Variants in NXPE2 observed in about 807,000 individuals in gnomAD.
The protein encoded by NXPE2 is neurexophilin and PC-esterase domain family member 2.
A neutral mutation model predicts 34.4 loss-of-function variants in NXPE2; 34 were observed. That is an observed-to-expected ratio of 0.99 (90% CI 0.75 to 1.31). NXPE2 has a LOEUF of 1.31. NXPE2 is among the 40% of genes most tolerant of loss of function. The pLI is 0.00. For synonymous variants in NXPE2, 235 were observed against 231.3 expected, an observed-to-expected ratio of 1.02 and a Z score of -0.15; for missense variants, 649 against 672.5, an observed-to-expected ratio of 0.97 and a Z score of 0.39.
At chr11:114,714,701 C>T in the NXPE2 span, among the ~76,000 whole-genome samples, 1 of 152,096 alleles carries the variant, frequency 6.6e-6, no homozygotes, top group African/African-American at 2.4e-5. Context: ...AGTAATAGAA[C>T]ACTTTCCTAG....
chr11:114,572,488 A>C, the NXPE2 span, among the ~76,000 whole-genome samples: 1 of 152,114 alleles, frequency 6.6e-6, no homozygotes, highest in African/African-American at 2.4e-5. Flanking sequence ...TGAAAGGAAA[A>C]TTCTTCAGTG....
rs762177303 is a variant in NXPE2, at chr11:114,698,493, T to C, written c.581T>C (p.Ile194Thr). The change falls in exon 3 of 6, where the codon ATC becomes ACC. Residue 194 changes from isoleucine (I) to threonine (T), a missense_variant. By Grantham distance (89) the Ile-to-Thr change is moderately conservative. Transcript: ENST00000389586. ...CAGGTTTCCCTGTCTCTGCTGCTCA[T>C]CCACCCCAGTGAAGGGGTATCAGCT... The part of the protein sequence containing the change: ...EGQVSLSLLL[I>T]HPSEGVSALW... The C allele has an allele frequency of 5.6e-6, 9 of 1,614,002 alleles. No individual in the cohort carries two copies. The highest frequency in any genetic ancestry group is 7.6e-6 in the Non-Finnish European group (9 of 1,179,986).
chr11:114,649,738 G>A, the NXPE2 span, among the ~76,000 whole-genome samples: 2 of 152,270 alleles, frequency 1.3e-5, no homozygotes, highest in South Asian at 2.1e-4. Context: ...GTGGGGTGAT[G>A]AATCCAATTG....
chr11:114,594,620 C>T, the NXPE2 span: 42 of 1,302,962 alleles, frequency 3.2e-5, no homozygotes, highest in African/African-American at 4.7e-4. Context: ...AGGTAATAAG[C>T]AAAAATAAGC....
chr11:114,544,349 C>T, the NXPE2 span, among the ~76,000 whole-genome samples: 2 of 152,278 alleles, frequency 1.3e-5, no homozygotes, highest in African/African-American at 2.4e-5. Context: ...CTGCCGTTAT[C>T]AAGACAATGC....
the NXPE2 span, among the ~76,000 whole-genome samples, chr11:114,799,379 C>T: frequency 1.3e-5 from 2 of 150,544 alleles, no homozygotes; most frequent in Non-Finnish European, 1.5e-5. Context: ...GCTGAGTTAT[C>T]GTTTGGAGAA....
the NXPE2 span, chr11:114,553,975 A>T: frequency 1.0e-6 from 1 of 985,368 alleles, no homozygotes; most frequent in African/African-American, 1.7e-5. Context: ...TGCTCATAGG[A>T]ATCTCAAAGT....
the NXPE2 span, among the ~76,000 whole-genome samples, chr11:114,669,786 A>T: frequency 6.6e-6 from 1 of 151,910 alleles, no homozygotes; most frequent in Non-Finnish European, 1.5e-5. Flanking sequence ...TTTCAGTCCT[A>T]AAAAAAACTC....
the NXPE2 span, among the ~76,000 whole-genome samples, chr11:114,496,330 C>T: frequency 6.6e-6 from 1 of 152,176 alleles, no homozygotes; most frequent in Admixed American, 6.5e-5. Context: ...TCACTGTGCT[C>T]TCCCTTCCCA....
At chr11:114,710,966 A>AC (rs1264227508), downstream of NXPE2, among the ~76,000 whole-genome samples, 1 of 152,208 alleles carries the variant, frequency 6.6e-6, no homozygotes, top group Non-Finnish European at 1.5e-5. Flanking sequence ...GTAATGTGCC[A>AC]CATTAACAAA....
intron 2 of NXPE2, among the ~76,000 whole-genome samples, chr11:114,696,589 A>G (rs1251262554): frequency 6.6e-6 from 1 of 152,206 alleles, no homozygotes; most frequent in Non-Finnish European, 1.5e-5. Context: ...TCCAAAATAC[A>G]TAACAACCAA....
At chr11:114,614,676 G>A in the NXPE2 span, among the ~76,000 whole-genome samples, 1 of 151,682 alleles carries the variant, frequency 6.6e-6, no homozygotes, top group Non-Finnish European at 1.5e-5. Context: ...CACTGGATAA[G>A]TGTTGCCTCG....
rs374127820 is a variant in NXPE2 at position 114,698,294 on chromosome 11, C to A, written c.382C>A (p.Gln128Lys). 1.2e-4 allele frequency: 194 copies of A among 1,613,696 alleles called. 1 individual carries two copies. Among genetic ancestry groups the A allele is most frequent in the Non-Finnish European group, 1.4e-5 (17 of 1,179,810 alleles). ...NPQDTYCRGD[Q>K]LDILLEVRDH... ...TCAAGATACGTACTGCAGGGGGGAT[C>A]AGCTGGACATCCTTCTGGAGGTGAG... The change falls in exon 3 of 6, where the codon CAG becomes AAG. Residue 128 changes from glutamine to lysine, a missense_variant. Gln to Lys is a moderately conservative substitution (Grantham distance 53). Transcript: ENST00000389586.
the NXPE2 span, among the ~76,000 whole-genome samples, chr11:114,544,112 T>C: frequency 6.6e-6 from 1 of 152,236 alleles, no homozygotes; most frequent in Non-Finnish European, 1.5e-5. Flanking sequence ...AGAGATTCCA[T>C]GTTCATGGAT....
chr11:114,523,010 AT>A, the NXPE2 span: 2 of 1,613,628 alleles, frequency 1.2e-6, no homozygotes, highest in Non-Finnish European at 1.7e-6. Context: ...AAATGTTGTT[AT>A]CCATTTTCCT....
the NXPE2 span, among the ~76,000 whole-genome samples, chr11:114,476,010 A>G: frequency 6.6e-6 from 1 of 152,192 alleles, no homozygotes; most frequent in Admixed American, 6.5e-5. Flanking sequence ...TGTGGACTGA[A>G]AAGCTAGCAG....
chr11:114,572,568 A>G, the NXPE2 span, among the ~76,000 whole-genome samples: 1 of 152,190 alleles, frequency 6.6e-6, no homozygotes, highest in Non-Finnish European at 1.5e-5. Flanking sequence ...GAAATGCAAA[A>G]TGCACTGGAA....
chr11:114,667,533 A>G, the NXPE2 span, among the ~76,000 whole-genome samples: 1 of 152,282 alleles, frequency 6.6e-6, no homozygotes, highest in East Asian at 1.9e-4. Context: ...CTTCTAACAA[A>G]TATAATTTGG....
At chr11:114,470,120 A>G in the NXPE2 span, among the ~76,000 whole-genome samples, 148 of 151,996 alleles carry the variant, frequency 9.7e-4, no homozygotes, top group Non-Finnish European at 1.5e-3. Context: ...GGTTGTTTCT[A>G]TTTTTGGCTA....
Sources: gnomAD v4.1 joint callset for allele counts (sites outside exome capture counted in the v4.1 genomes callset) on GRCh38, gnomAD v4.1.1 for gene constraint, MANE v1.5 for transcripts, NCBI Gene and HGNC (gene_info 2026-07-23, HGNC 2026-07-21) for gene names.